The following YEATS2 variants were observed in gnomAD, a reference collection of about 807,000 sequenced individuals.
YEATS2 encodes YEATS domain-containing protein 2.
A neutral mutation model predicts 163.2 loss-of-function variants in YEATS2; 77 were observed. The observed-to-expected ratio is 0.47, with a 90% confidence interval of 0.39 to 0.57. The LOEUF (loss-of-function observed/expected upper bound fraction) is 0.57. YEATS2 is among the 20% of genes least tolerant of loss of function. The pLI is 0.00. For synonymous variants in YEATS2, 631 were observed against 645.1 expected (o/e 0.98, Z 0.33); for missense variants, 1,549 against 1,729.8 (o/e 0.90, Z 1.85).
At chr3:183,810,393 C>T in intron 30 of YEATS2, 82 bp from the exon 31 acceptor site, 1 of 1,290,288 alleles carries the variant, frequency 7.8e-7, no homozygotes. Flanking sequence ...CTGGGATGGT[C>T]CCTGTGATGA....
chr3:183,780,019 T>TTA (rs1560306881), intron 19 of YEATS2, among the ~76,000 whole-genome samples: 5 of 147,800 alleles, frequency 3.4e-5, no homozygotes, highest in South Asian at 2.1e-4. Flanking sequence ...TTTTTTTTTT[T>TTA]AATTTTTTAT....
At chr3:183,778,890 T>G (rs1056829920) in intron 19 of YEATS2, among the ~76,000 whole-genome samples, 1 of 152,168 alleles carries the variant, frequency 6.6e-6, no homozygotes, top group African/African-American at 2.4e-5. Context: ...ATATTACTGT[T>G]TTAAACTACA....
chr3:183,732,535 G>GT (rs1484075876), intron 7 of YEATS2, among the ~76,000 whole-genome samples: 1 of 151,830 alleles, frequency 6.6e-6, no homozygotes, highest in East Asian at 1.9e-4. Flanking sequence ...CTCATTTTGT[G>GT]TTTTTTAAAA....
intron 15 of YEATS2, among the ~76,000 whole-genome samples, chr3:183,765,962 A>G (rs1183276427): frequency 2.0e-5 from 3 of 151,402 alleles, no homozygotes; most frequent in Non-Finnish European, 4.4e-5. Flanking sequence ...AAAAAAAAAG[A>G]TATGCCAGGA....
chr3:183,759,848 C>T (rs980262876), intron 13 of YEATS2, among the ~76,000 whole-genome samples: 4 of 152,228 alleles, frequency 2.6e-5, no homozygotes, highest in Non-Finnish European at 5.9e-5. Flanking sequence ...TTTATCCAGA[C>T]GTAACCCCAT....
chr3:183,808,963 A>G (rs1170992539), intron 29 of YEATS2, 134 bp from the exon 30 acceptor site: 1 of 772,098 alleles, frequency 1.3e-6, no homozygotes, highest in Admixed American at 2.3e-5. Flanking sequence ...GAGGCCTTTA[A>G]TTTTTTCTTA....
chr3:183,785,388 C>T (rs1305788655), intron 19 of YEATS2, among the ~76,000 whole-genome samples: 1 of 150,780 alleles, frequency 6.6e-6, no homozygotes, highest in Non-Finnish European at 1.5e-5. Context: ...ACTCGGGAGG[C>T]TGAGGCAGGA....
intron 1 of YEATS2, 113 bp from the exon 2 acceptor site, chr3:183,715,031 A>G (rs1715690479): frequency 3.4e-6 from 2 of 588,220 alleles, no homozygotes; most frequent in Non-Finnish European, 6.0e-6. Context: ...TGTAATATTT[A>G]TTTATTTATT....
intron 7 of YEATS2, among the ~76,000 whole-genome samples, chr3:183,734,627 T>C (rs1341389758): frequency 1.3e-5 from 2 of 152,356 alleles, no homozygotes; most frequent in African/African-American, 4.8e-5. Flanking sequence ...CCAAATGGCA[T>C]ATCTAGAATT....
chr3:183,727,645 C>T (rs1577066888), intron 6 of YEATS2, among the ~76,000 whole-genome samples: 2 of 152,274 alleles, frequency 1.3e-5, no homozygotes, highest in East Asian at 3.9e-4. Context: ...ACTATATTTT[C>T]TACATGAATC....
intron 1 of YEATS2, among the ~76,000 whole-genome samples, chr3:183,699,536 G>A (rs1713843845): frequency 1.3e-5 from 2 of 151,158 alleles, no homozygotes; most frequent in African/African-American, 4.9e-5. Context: ...AGGCAGGAAG[G>A]ACCCCGTCTC....
At chr3:183,761,693 C>T (rs1308822370) in intron 14 of YEATS2, 79 bp downstream of exon 14, 1 of 1,296,128 alleles carries the variant, frequency 7.7e-7, no homozygotes, top group Non-Finnish European at 1.1e-6. Context: ...ACTACCCCTA[C>T]AACATGTTAC....
intron 12 of YEATS2, among the ~76,000 whole-genome samples, chr3:183,757,083 A>G (rs1298322404): frequency 1.3e-5 from 2 of 152,118 alleles, no homozygotes; most frequent in Non-Finnish European, 2.9e-5. Flanking sequence ...AAAAAATGAT[A>G]TTATTTTCTT....
chr3:183,712,226 T>TATGTTATGTTATGTTATGTTATGTTACA, intron 1 of YEATS2, among the ~76,000 whole-genome samples: 3 of 147,126 alleles, frequency 2.0e-5, no homozygotes, highest in Admixed American at 6.9e-5. Flanking sequence ...TATTTTATTT[T>TATGTTATGTTATGTTATGTTATGTTACA]TTGAGACAGA....
At chr3:183,783,711 C>A (rs770611289) in intron 19 of YEATS2, among the ~76,000 whole-genome samples, 5 of 152,144 alleles carry the variant, frequency 3.3e-5, no homozygotes, top group East Asian at 1.9e-4. Flanking sequence ...ATCTGTGTTG[C>A]TTCAAAAGAA....
At chr3:183,703,918 T>C (rs1377784187) in intron 1 of YEATS2, among the ~76,000 whole-genome samples, 1 of 151,996 alleles carries the variant, frequency 6.6e-6, no homozygotes, top group African/African-American at 2.4e-5. Flanking sequence ...CCCAGCACTT[T>C]GGGAGGCTGA....
At chr3:183,760,555 C>G (rs547004640) in intron 13 of YEATS2, among the ~76,000 whole-genome samples, 2 of 152,250 alleles carry the variant, frequency 1.3e-5, no homozygotes, top group Admixed American at 1.3e-4. Context: ...CTCCTGATCT[C>G]AGGTAATCTG....
Position 183,772,308 on chromosome 3 carries a change from G to A in YEATS2, c.1951G>A (p.Val651Ile), listed in dbSNP as rs1158808931. The change falls in exon 16 of 31, where the codon GTC becomes ATC. Residue 651 changes from valine to isoleucine, a missense_variant. Val to Ile is a conservative substitution (Grantham distance 29). Coordinates refer to ENST00000305135, the MANE Select transcript of YEATS2 (RefSeq NM_018023.5). Reference sequence around the variant, plus strand: ...GACTCTGCTCTGTTTTGAACAGGTTGTCGGGGTACCAGTTGGGTCTGCTTT... The same window carrying A: ...GACTCTGCTCTGTTTTGAACAGGTTATCGGGGTACCAGTTGGGTCTGCTTT... ...QSAKVQPSKV[V>I]GVPVGSALPS... The A allele has an allele frequency of 6.2e-7, 1 of 1,613,648 alleles. No individual in the cohort carries two copies. Among genetic ancestry groups the A allele is most frequent in the Non-Finnish European group, 8.5e-7 (1 of 1,180,036 alleles).
intron 7 of YEATS2, among the ~76,000 whole-genome samples, chr3:183,729,916 C>T (rs933590713): frequency 5.9e-5 from 9 of 151,826 alleles, no homozygotes; most frequent in African/African-American, 2.2e-4. Flanking sequence ...TCTCGAACTC[C>T]TGACCTCAGG....
Sources: gnomAD v4.1 joint callset for allele counts (sites outside exome capture counted in the v4.1 genomes callset) on GRCh38, gnomAD v4.1.1 for gene constraint, MANE v1.5 for transcripts, NCBI Gene and HGNC (gene_info 2026-07-23, HGNC 2026-07-21) for gene names.